The following ABCB9 variants were observed in gnomAD, a reference collection of about 807,000 sequenced individuals.
ABCB9 encodes ABC-type oligopeptide transporter ABCB9.
ABCB9 carries 36 observed loss-of-function variants against 62.0 expected under a neutral mutation model. The observed-to-expected ratio is 0.58, with a 90% confidence interval of 0.45 to 0.77. The LOEUF (loss-of-function observed/expected upper bound fraction) is 0.77, where lower values mean the gene tolerates loss of function less well. Ranked by LOEUF, ABCB9 falls within the 30% of genes least tolerant of loss-of-function variation. The probability of loss-of-function intolerance (pLI) is 0.00; values close to 1 mark genes in which losing one functional copy is unlikely to be tolerated. For synonymous variants in ABCB9, 435 were observed against 461.4 expected (o/e 0.94, Z 0.73); for missense variants, 943 against 1,054.7 (o/e 0.89, Z 1.47).
intron 4 of ABCB9, 121 bp from the exon 5 acceptor site, chr12:122,948,950 G>C: frequency 1.3e-6 from 1 of 757,818 alleles, no homozygotes; most frequent in South Asian, 2.0e-5. Flanking sequence ...CTGTGGGCGG[G>C]GTTGGGGGGT....
chr12:122,923,248 G>A (rs1389285490), intron 11 of ABCB9, among the ~76,000 whole-genome samples: 1 of 151,852 alleles, frequency 6.6e-6, no homozygotes, highest in Non-Finnish European at 1.5e-5. Context: ...AACTACAGGC[G>A]TGCACCACTG....
chr12:122,923,133 C>T (rs2034791169), intron 11 of ABCB9, among the ~76,000 whole-genome samples: 1 of 151,946 alleles, frequency 6.6e-6, no homozygotes, highest in Admixed American at 6.6e-5. Context: ...GACAGGGTCT[C>T]ACTCTGTCGC....
At chr12:122,941,977 C>T (rs2035784863) in intron 7 of ABCB9, among the ~76,000 whole-genome samples, 1 of 152,068 alleles carries the variant, frequency 6.6e-6, no homozygotes, top group Admixed American at 6.6e-5. Context: ...AATCCGCCTG[C>T]CTCAGCCTCC....
chr12:122,965,597 G>T lies in ABCB9; in HGVS notation c.-88+690C>A, dbSNP rs537224955. On this transcript the variant is annotated intron_variant, in intron 1 of 11. Transcript: ENST00000280560. The stretch of plus-strand genomic sequence containing the variant: ...AGCTCTAGGAGAGGCAGAGAGGCGC[G>T]AGGTGCCCTCCCTCCAAGCCTCCTC... 5.1e-4 allele frequency among the ~76,000 whole-genome samples: 78 copies of T among 152,332 alleles called. 3 individuals carry two copies. In the South Asian group the frequency reaches 0.016, roughly 30 times the overall value.
intron 9 of ABCB9, 126 bp from the exon 10 acceptor site, chr12:122,935,557 G>T: frequency 2.6e-6 from 3 of 1,132,730 alleles, no homozygotes; most frequent in Non-Finnish European, 3.7e-6. Context: ...TCAGGGCCCA[G>T]TGACTGCACT....
upstream of ABCB9, among the ~76,000 whole-genome samples, chr12:122,968,801 G>C (rs2037238463): frequency 6.6e-6 from 1 of 152,076 alleles, no homozygotes; most frequent in African/African-American, 2.4e-5. Context: ...TTTTAGTAGA[G>C]ATGGGGTTTT....
chr12:122,942,724 A>G (rs540736711), intron 7 of ABCB9, among the ~76,000 whole-genome samples: 4 of 152,092 alleles, frequency 2.6e-5, no homozygotes, highest in Non-Finnish European at 5.9e-5. Flanking sequence ...AGATCACTTG[A>G]GTCCAGGAGG....
At chr12:122,949,029 G>A (rs569620014) in intron 4 of ABCB9, 200 bp from the exon 5 acceptor site, 13 of 494,840 alleles carry the variant, frequency 2.6e-5, no homozygotes, top group African/African-American at 2.4e-4. Flanking sequence ...TCTTGCTTAA[G>A]CTTCATGACA....
Position 122,959,455 on chromosome 12 carries a change from C to T in ABCB9, c.601+180G>A, listed in dbSNP as rs2036774742. On this transcript the variant is annotated intron_variant, in intron 2 of 11. Transcript: ENST00000280560. This position sits in a 1 kb window ranked among gnomAD's most constrained non-coding sequence, Gnocchi z 5.4. ...TCAACTCCTGGGCTCAAGTGATCTT[C>T]CTACCTCAGCCTCCCAAAGTGCTGG... Among the ~76,000 whole-genome samples, 1 of 152,174 alleles carries T rather than the reference C, an allele frequency of 6.6e-6. No individual in the cohort carries two copies. Among genetic ancestry groups the T allele is most frequent in the African/African-American group, 2.4e-5 (1 of 41,462 alleles).
chr12:122,924,858 A>C (rs1184220119), downstream of ABCB9: 3 of 1,530,984 alleles, frequency 2.0e-6, no homozygotes, highest in African/African-American at 4.1e-5. Flanking sequence ...ATTAATTGTA[A>C]CAGAAAAAAG....
In ABCB9 at chr12:122,950,533, C is replaced by T. The variant is rs780094868; in HGVS notation, c.634G>A (p.Ala212Thr). The T allele has an allele frequency of 3.7e-6, 6 of 1,612,908 alleles. No individual in the cohort carries two copies. The South Asian group carries it at 4.4e-5, about 12-fold the overall frequency. The change falls in exon 3 of 12, where the codon GCC (alanine) becomes ACC (threonine). Residue 212 changes from alanine to threonine, a missense_variant. Physicochemically the swap from Ala to Thr is moderately conservative, Grantham distance 58. Coordinates refer to ENST00000280560, the MANE Select transcript of ABCB9 (RefSeq NM_019625.4). ...TTCTGGATGACGATGCCATCAATGG[C>T]GCGGCCCGTGTAGTAGGGCAGGAAG... ...ETFLPYYTGR[A>T]IDGIVIQKSM...
At chr12:122,923,357 C>G (rs1315044457) in intron 11 of ABCB9, among the ~76,000 whole-genome samples, 1 of 152,136 alleles carries the variant, frequency 6.6e-6, no homozygotes, top group Non-Finnish European at 1.5e-5. Context: ...GCGCGACCTC[C>G]ACGCACTGCA....
chr12:122,950,611 C>T (rs766634920), intron 2 of ABCB9, 46 bp from the exon 3 acceptor site: 1 of 1,489,992 alleles, frequency 6.7e-7, no homozygotes, highest in Non-Finnish European at 9.2e-7. Flanking sequence ...GCCAGGGGAA[C>T]CCGCACCCTT....
At chr12:122,918,677 C>G (rs1033233013), downstream of ABCB9, among the ~76,000 whole-genome samples, 1 of 152,010 alleles carries the variant, frequency 6.6e-6, no homozygotes, top group Non-Finnish European at 1.5e-5. Context: ...AGGCTGGTCT[C>G]GAACTCCTGG....
At position 122,930,091 on chromosome 12, in the gene ABCB9, C is replaced by A. The variant is rs370679674; in HGVS notation, c.2121G>T (p.Ala707=). The A allele has an allele frequency of 3.8e-6, 6 of 1,560,292 alleles. No individual in the cohort carries two copies. The highest frequency in any genetic ancestry group is 5.2e-6 in the Non-Finnish European group (6 of 1,152,314). Reference sequence around the variant, plus strand: ...CCTTGTCCAGCACCACAATGAGGTGCGCGTGCTCCACGGTGCTCAGCCGGT... The same window carrying A: ...CCTTGTCCAGCACCACAATGAGGTGAGCGTGCTCCACGGTGCTCAGCCGGT... ...IAHRLSTVEH[A]HLIVVLDKGR... is the part of the protein sequence containing the mutation. The change falls in exon 12 of 12, where the codon GCG becomes GCT. Residue 707 remains alanine (A), a synonymous_variant. Transcript: ENST00000280560. The surrounding 1 kb of genome is among the most constrained non-coding windows in gnomAD (Gnocchi z 4.9).
intron 2 of ABCB9, among the ~76,000 whole-genome samples, chr12:122,957,938 G>A (rs920020116): frequency 1.5e-4 from 22 of 151,422 alleles, no homozygotes; most frequent in Admixed American, 4.6e-4. Flanking sequence ...GGGAGGCCAA[G>A]GCAGGCAGAT....
rs565553023 is a variant in ABCB9, at chr12:122,948,948, G to A, written c.848-119C>T. 1.5e-4 allele frequency: 113 copies of A among 752,832 alleles called. 2 individuals carry two copies. The highest frequency in any genetic ancestry group is 6.9e-5 in the Admixed American group (2 of 28,810). The allele number at this position is 752,832 out of a possible 1,614,324, so 46.6% of individuals were successfully genotyped here. A position where few individuals can be genotyped will look rare whatever the true frequency, so the allele number is the denominator to read the frequency against. On this transcript the variant is annotated intron_variant, in intron 4 of 11. Transcript: ENST00000280560. ...AAGCCGGGCCTCCCTACCTGTGGGC[G>A]GGGTTGGGGGGTGGGGGAGAAGAGC...
intron 7 of ABCB9, among the ~76,000 whole-genome samples, chr12:122,943,855 G>A (rs1002356284): frequency 6.6e-6 from 1 of 151,868 alleles, no homozygotes; most frequent in Non-Finnish European, 1.5e-5. Flanking sequence ...GGCTCACTGC[G>A]GCCTTGACCT....
chr12:122,945,022 C>T (rs2135829503), intron 6 of ABCB9, among the ~76,000 whole-genome samples: 1 of 152,328 alleles, frequency 6.6e-6, no homozygotes, highest in Non-Finnish European at 1.5e-5. Context: ...GCAGCCCACA[C>T]CCTAGTCAGG....
Sources: allele counts gnomAD v4.1 joint callset (sites outside exome capture counted in the v4.1 genomes callset), GRCh38; gene constraint gnomAD v4.1.1; non-coding constraint Gnocchi (gnomAD v3.1); transcripts MANE v1.5; gene names NCBI Gene and HGNC (gene_info 2026-07-23, HGNC 2026-07-21).